Variants in SMAD6 observed in about 807,000 individuals in gnomAD.
SMAD6 encodes SMAD family member 6, also known as MAD homolog 6.
A neutral mutation model predicts 39.4 loss-of-function variants in SMAD6; 103 were observed. That is an observed-to-expected ratio of 2.62 (90% CI 2.23 to 3.08). SMAD6 has a LOEUF of 3.08. Among genes scored for constraint, SMAD6 ranks in the 30% most tolerant of loss-of-function variants. The pLI, the probability that SMAD6 is intolerant of heterozygous loss-of-function variation, is 0.00. For missense variants in SMAD6, 1,104 were observed against 742.9 expected (o/e 1.49, Z -5.65); for synonymous variants, 445 against 353.3 (o/e 1.26, Z -2.91).
Position 66,703,049 on chromosome 15 carries a change from C to T in SMAD6, c.-210C>T, listed in dbSNP as rs1321517669. On this transcript the variant is annotated 5_prime_UTR_variant, in exon 1 of 4. Coordinates refer to ENST00000288840, the MANE Select transcript of SMAD6 (RefSeq NM_005585.5). ...CGCGCGGACTGCGGCTCGGCGTGCG[C>T]GTGTTCCCGGCCGTCCCGCCTCGGC... 9.9e-6 allele frequency: 4 copies of T among 402,518 alleles called. No individual in the cohort carries two copies. The highest frequency in any genetic ancestry group is 1.4e-5 in the Non-Finnish European group (3 of 220,812). The allele number at this position is 402,518 out of a possible 1,614,324, so 24.9% of individuals were successfully genotyped here.
At chr15:66,706,500 G>T (rs12592857) in intron 1 of SMAD6, 32,822 of 152,350 alleles carry the variant, frequency 0.22, 3,666 homozygotes, top group Middle Eastern at 0.34. Context: ...AGAGCTGGGG[G>T]AGCCCTGGGC....
chr15:66,707,186 T>C (rs1299013693), intron 1 of SMAD6: 3 of 152,192 alleles, frequency 2.0e-5, no homozygotes, highest in African/African-American at 4.8e-5. Context: ...AGAAATACTT[T>C]AATCACAGCT....
chr15:66,752,795 T>TA (rs1007398820), intron 3 of SMAD6, among the ~76,000 whole-genome samples: 21 of 149,040 alleles, frequency 1.4e-4, no homozygotes, highest in African/African-American at 4.9e-4. Flanking sequence ...CCCATCTCTT[T>TA]AAAAAAATAA....
intron 3 of SMAD6, chr15:66,741,094 C>T (rs1322795884): frequency 2.0e-5 from 3 of 152,300 alleles, no homozygotes; most frequent in East Asian, 1.9e-4. Context: ...CTCTGCCTTC[C>T]GGCTGGAAAT....
rs1555434217 is a variant in SMAD6, at chr15:66,703,669, G to A, written c.411G>A (p.Ala137=). The A allele has an allele frequency of 1.6e-6, 2 of 1,230,152 alleles. No homozygotes were observed. The highest frequency in any genetic ancestry group is 4.0e-5 in the South Asian group (1 of 24,702). The allele number at this position is 1,230,152 out of a possible 1,614,324, so 76.2% of individuals were successfully genotyped here. The change falls in exon 1 of 4, where the codon GCG becomes GCA. Residue 137 remains alanine (A), a synonymous_variant. Coordinates refer to ENST00000288840, the MANE Select transcript of SMAD6 (RefSeq NM_005585.5). ...CLFSERDAAG[A]PRDASDPLAG... ...TTTCGGAGCGGGACGCCGCCGGCGC[G>A]CCCCGGGACGCCAGCGACCCCCTGG...
At position 66,702,316 on chromosome 15, in the gene SMAD6, G is replaced by C. The variant is rs757307293; in HGVS notation, c.-943G>C. On this transcript the variant is annotated 5_prime_UTR_variant, in exon 1 of 4. Transcript: ENST00000288840. The stretch of plus-strand genomic sequence containing the variant: ...GCGTTTGAGGAGAACAAAAAAGAGA[G>C]AGAGAGCCGAGCGGGGGAGCGATCG... 5.3e-5 allele frequency: 8 copies of C among 152,318 alleles called. No individual in the cohort carries two copies. In the East Asian group the frequency reaches 1.4e-3, roughly 26 times the overall value. 9.4% of individuals were successfully genotyped at this position (152,318 alleles called of 1,614,324 possible).
rs145988255 is a variant in SMAD6, at chr15:66,762,137, T to C, written c.953-18860T>C. On this transcript the variant is annotated intron_variant, in intron 3 of 3. Coordinates refer to ENST00000288840, the MANE Select transcript of SMAD6 (RefSeq NM_005585.5). ...GTGAGAGAAAAAAATAATGCGTGTATAGCCCACTAAAGAACTTGGAACTGA... is the reference window on the plus strand; with the variant it reads ...GTGAGAGAAAAAAATAATGCGTGTACAGCCCACTAAAGAACTTGGAACTGA... Among the ~76,000 whole-genome samples the C allele has an allele frequency of 2.1e-3, 327 of 152,316 alleles. 1 individual carries two copies. Among genetic ancestry groups the C allele is most frequent in the African/African-American group, 7.6e-3 (317 of 41,566 alleles).
intron 3 of SMAD6, among the ~76,000 whole-genome samples, chr15:66,752,482 C>G (rs896982870): frequency 2.6e-5 from 4 of 152,132 alleles, no homozygotes; most frequent in African/African-American, 9.7e-5. Context: ...AGCAGACTCA[C>G]AATTTAAAAA....
chr15:66,728,631 T>C (rs1010049834), intron 3 of SMAD6, among the ~76,000 whole-genome samples: 1 of 152,098 alleles, frequency 6.6e-6, no homozygotes, highest in Non-Finnish European at 1.5e-5. Context: ...GGTCTCGAAC[T>C]CCTGACCTCG....
chr15:66,766,508 A>G (rs1177832424), intron 3 of SMAD6, among the ~76,000 whole-genome samples: 3 of 152,166 alleles, frequency 2.0e-5, no homozygotes, highest in East Asian at 1.9e-4. Flanking sequence ...TCAGCATTAA[A>G]TGAGATGGGA....
At chr15:66,710,391 A>G (rs1262020369) in intron 1 of SMAD6, among the ~76,000 whole-genome samples, 1 of 152,132 alleles carries the variant, frequency 6.6e-6, no homozygotes, top group Non-Finnish European at 1.5e-5. Flanking sequence ...ATTTCTGTCC[A>G]CAGAAAGTCT....
intron 3 of SMAD6, among the ~76,000 whole-genome samples, chr15:66,775,376 T>C (rs1595801262): frequency 6.6e-6 from 1 of 152,360 alleles, no homozygotes; most frequent in East Asian, 1.9e-4. Context: ...ATTGGTTTTC[T>C]GTTGATAGAT....
At chr15:66,723,344 T>C (rs1374444260) in intron 3 of SMAD6, among the ~76,000 whole-genome samples, 1 of 152,222 alleles carries the variant, frequency 6.6e-6, no homozygotes, top group Non-Finnish European at 1.5e-5. Context: ...TTGTGTTTCC[T>C]GAGTGTGGGC....
At chr15:66,720,948 T>A (rs572511657) in intron 3 of SMAD6, among the ~76,000 whole-genome samples, 25 of 152,256 alleles carry the variant, frequency 1.6e-4, no homozygotes, top group African/African-American at 6.0e-4. Context: ...AGCAGGCCCT[T>A]CAGTTTAGAA....
At position 66,703,845 on chromosome 15, in the gene SMAD6, A is replaced by C. The variant is rs746122297; in HGVS notation, c.587A>C (p.Glu196Ala). 7.3e-7 allele frequency: 1 copy of C among 1,367,716 alleles called. No individual in the cohort carries two copies. The highest frequency in any genetic ancestry group is 9.5e-7 in the Non-Finnish European group (1 of 1,048,666). 84.7% of individuals were successfully genotyped at this position (1,367,716 alleles called of 1,614,324 possible). A position where few individuals can be genotyped will look rare whatever the true frequency, so the allele number is the denominator to read the frequency against. Residue 196 changes from glutamate to alanine, a missense_variant, in exon 1 of 4, where the codon GAG becomes GCG. Transcript: ENST00000288840. ...CTGGACACGCTGCTGGAGGCGGTGG[A>C]GTCCCGCGGCGGCGTGCCGGGCGGC... ...RSLDTLLEAV[E>A]SRGGVPGGCV...
intron 3 of SMAD6, among the ~76,000 whole-genome samples, chr15:66,780,625 A>C (rs563432028): frequency 2.0e-5 from 3 of 152,328 alleles, no homozygotes; most frequent in African/African-American, 7.2e-5. Flanking sequence ...GTTGCTCCAC[A>C]GTCAGCCCCT....
At chr15:66,737,937 G>C (rs1893743054) in intron 3 of SMAD6, among the ~76,000 whole-genome samples, 1 of 152,112 alleles carries the variant, frequency 6.6e-6, no homozygotes, top group African/African-American at 2.4e-5. Flanking sequence ...GAGGACCCTG[G>C]TTAGGAGAGG....
At chr15:66,736,402 G>T (rs1161544787) in intron 3 of SMAD6, among the ~76,000 whole-genome samples, 1 of 152,168 alleles carries the variant, frequency 6.6e-6, no homozygotes, top group Non-Finnish European at 1.5e-5. Context: ...CACTACCTAG[G>T]TTACACATCT....
chr15:66,751,933 G>A (rs1894013458), intron 3 of SMAD6, among the ~76,000 whole-genome samples: 1 of 152,182 alleles, frequency 6.6e-6, no homozygotes, highest in African/African-American at 2.4e-5. Flanking sequence ...GGCCTTGGAG[G>A]GCCAGCCTGC....
Sources: gnomAD v4.1 joint callset for allele counts (sites outside exome capture counted in the v4.1 genomes callset) on GRCh38, gnomAD v4.1.1 for gene constraint, MANE v1.5 for transcripts, NCBI Gene and HGNC (gene_info 2026-07-23, HGNC 2026-07-21) for gene names.